HNF1A: variants seen among roughly 807,000 people sequenced by gnomAD.
The protein encoded by HNF1A is hepatocyte nuclear factor 1-alpha.
Under a neutral mutation model 62.2 loss-of-function variants are expected in HNF1A, and 21 were observed. That is an observed-to-expected ratio of 0.34 (90% confidence interval 0.24 to 0.49). The LOEUF (loss-of-function observed/expected upper bound fraction) is 0.49, where lower values mean the gene tolerates loss of function less well. Ranked by LOEUF, HNF1A falls within the 20% of genes least tolerant of loss-of-function variation. HNF1A has a pLI of 0.99. For synonymous variants in HNF1A, 374 were observed against 366.8 expected, an observed-to-expected ratio of 1.02 and a Z score of -0.22; for missense variants, 687 against 832.3, an observed-to-expected ratio of 0.83 and a Z score of 2.15.
rs60072260 is a variant in HNF1A, at chr12:120,982,934, T to C, written c.326+3840T>C. On this transcript the variant is annotated intron_variant, in intron 1 of 9. Coordinates refer to ENST00000257555, the MANE Select transcript of HNF1A (RefSeq NM_000545.8). ...TACAAAATGCGCTAAGCTCATTTTT[T>C]CCTCCTCCCCATCTCTGAAGTCTGA... Among the ~76,000 whole-genome samples the C allele has an allele frequency of 1.0e-3, 159 of 152,316 alleles. 2 individuals carry two copies. In the East Asian group the frequency reaches 0.028, roughly 27 times the overall value.
At chr12:120,993,419 A>G in intron 2 of HNF1A, 101 bp from the exon 3 acceptor site, 2 of 1,171,502 alleles carry the variant, frequency 1.7e-6, no homozygotes, top group Non-Finnish European at 2.5e-6. Context: ...CCTCTGGTTC[A>G]GCGCCATGGC....
At chr12:120,985,983 CA>C (rs201044504) in intron 1 of HNF1A, among the ~76,000 whole-genome samples, 8 of 140,426 alleles carry the variant, frequency 5.7e-5, no homozygotes, top group Non-Finnish European at 4.7e-5. Flanking sequence ...GGCTTTGTCT[CA>C]AAAAAAAAAA....
Position 120,994,246 on chromosome 12 carries a change from A to C in HNF1A, c.796A>C (p.Asn266His). 1 of 1,613,654 alleles carries C rather than the reference A, an allele frequency of 6.2e-7. No individual in the cohort carries two copies. Among genetic ancestry groups the C allele is most frequent in the Non-Finnish European group, 8.5e-7 (1 of 1,179,828 alleles). ...CCTCGTCACGGAGGTGCGTGTCTAC[A>C]ACTGGTTTGCCAACCGGCGCAAAGA... is the stretch of plus-strand genomic sequence containing the variant. The part of the protein sequence containing the change: ...SNLVTEVRVY[N>H]WFANRRKEEA... Residue 266 changes from asparagine to histidine, a missense_variant, in exon 4 of 10, where the codon AAC becomes CAC. Coordinates refer to ENST00000257555, the MANE Select transcript of HNF1A (RefSeq NM_000545.8).
At position 120,978,747 on chromosome 12, in the gene HNF1A, G is replaced by A. The variant is rs765037128; in HGVS notation, c.-22G>A. The A allele has an allele frequency of 1.3e-5, 21 of 1,611,142 alleles. No individual in the cohort carries two copies. The highest frequency in any genetic ancestry group is 1.6e-4 in the Middle Eastern group (1 of 6,076). ...GGCTAGCGTGGTGGACCCGGGCCGC[G>A]TGGCCCTGTGGCAGCCGAGCCATGG... On this transcript the variant is annotated 5_prime_UTR_variant, in exon 1 of 10. In the 5' UTR this introduces an upstream ATG that the reference lacks. Coordinates refer to ENST00000257555, the MANE Select transcript of HNF1A (RefSeq NM_000545.8).
chr12:121,001,413 G>C lies in HNF1A; in HGVS notation c.*221G>C. On this transcript the variant is annotated 3_prime_UTR_variant, in exon 10 of 10. Coordinates refer to ENST00000257555, the MANE Select transcript of HNF1A (RefSeq NM_000545.8). ...GGTGCACAGGAGGGGGTCGTGGAGA[G>C]CTAGGAGCAAAGCCTGTTCATGGCA... 1.7e-6 allele frequency: 1 copy of C among 586,200 alleles called. No homozygotes were observed. Among genetic ancestry groups the C allele is most frequent in the Non-Finnish European group, 3.0e-6 (1 of 329,304 alleles). 36.3% of individuals were successfully genotyped at this position (586,200 alleles called of 1,614,324 possible).
intron 7 of HNF1A, chr12:120,997,963 C>G: frequency 1.6e-6 from 1 of 618,026 alleles, no homozygotes; most frequent in South Asian, 1.9e-5. Context: ...ATATGAATTT[C>G]TAAAATCTAT....
chr12:120,991,288 CT>C (rs1876819912), intron 2 of HNF1A, among the ~76,000 whole-genome samples: 1 of 152,000 alleles, frequency 6.6e-6, no homozygotes, highest in South Asian at 2.1e-4. Flanking sequence ...GTAAAAATCA[CT>C]GTTGAAAAAA....
intron 4 of HNF1A, 29 bp downstream of exon 4, chr12:120,994,434 G>A (rs370617335): frequency 7.0e-6 from 11 of 1,570,284 alleles, no homozygotes; most frequent in East Asian, 2.3e-5. Flanking sequence ...CAAGGGACAC[G>A]TGGGAAGGTG....
rs1428758847 is a variant in HNF1A, at chr12:120,999,353, C to T, written c.1587C>T (p.Asn529=). 1 of 1,613,974 alleles carries T rather than the reference C, an allele frequency of 6.2e-7. No individual in the cohort carries two copies. The highest frequency in any genetic ancestry group is 8.5e-7 in the Non-Finnish European group (1 of 1,180,040). The change falls in exon 8 of 10, where the codon AAC becomes AAT. Residue 529 remains asparagine (N), a synonymous_variant. Transcript: ENST00000257555. ...CTATGCTCATCACCGACACCACCAACCTGAGCGCCCTGGCCAGCCTCACGC... is the reference window on the plus strand; with the variant it reads ...CTATGCTCATCACCGACACCACCAATCTGAGCGCCCTGGCCAGCCTCACGC... The part of the protein sequence containing the change: ...PQTMLITDTT[N]LSALASLTPT...
Position 121,001,673 on chromosome 12 carries a change from C to T in HNF1A, c.*481C>T. ...TCTGTCACCAATGTACCCACCGGGC[C>T]ACTCCTTCCTGCCCCAACTCCTTCC... On this transcript the variant is annotated 3_prime_UTR_variant, in exon 10 of 10. Transcript: ENST00000257555. 2.1e-6 allele frequency: 1 copy of T among 466,376 alleles called. No individual in the cohort carries two copies. The allele number at this position is 466,376 out of a possible 1,614,324, so 28.9% of individuals were successfully genotyped here. A position where few individuals can be genotyped will look rare whatever the true frequency, so the allele number is the denominator to read the frequency against.
At chr12:120,986,344 C>T (rs1470747698) in intron 1 of HNF1A, among the ~76,000 whole-genome samples, 1 of 152,196 alleles carries the variant, frequency 6.6e-6, no homozygotes, top group Non-Finnish European at 1.5e-5. Context: ...TATCCTTTTG[C>T]TGGGCTCCTT....
chr12:120,994,317 C>A lies in HNF1A; in HGVS notation c.867C>A (p.Pro289=), dbSNP rs907312892. The A allele has an allele frequency of 6.2e-7, 1 of 1,610,216 alleles. No homozygotes were observed. Among genetic ancestry groups the A allele is most frequent in the South Asian group, 1.1e-5 (1 of 90,518 alleles). ...HKLAMDTYSG[P]PPGPGPGPAL... ...TGGCCATGGACACGTACAGCGGGCC[C>A]CCCCCAGGGCCAGGCCCGGGACCTG... Residue 289 remains proline (P), a synonymous_variant, in exon 4 of 10, where the codon CCC becomes CCA. Transcript: ENST00000257555.
rs1438131136 is a variant in HNF1A at position 120,997,553 on chromosome 12, G to A, written c.1389G>A (p.Gln463=). Residue 463 remains glutamine (Q), a synonymous_variant, in exon 7 of 10, where the codon CAG becomes CAA. Coordinates refer to ENST00000257555, the MANE Select transcript of HNF1A (RefSeq NM_000545.8). ...GSSLTTLQPV[Q]FSQPLHPSYQ... ...GCCTGACCACCCTGCAGCCCGTCCA[G>A]TTCTCCCAGCCGCTGCACCCCTCCT... 4 of 1,613,540 alleles carry A rather than the reference G, an allele frequency of 2.5e-6. No individual in the cohort carries two copies. Among genetic ancestry groups the A allele is most frequent in the Non-Finnish European group, 3.4e-6 (4 of 1,180,016 alleles).
chr12:120,994,014 A>G (rs1876958039), intron 3 of HNF1A, 150 bp from the exon 4 acceptor site: 2 of 1,039,906 alleles, frequency 1.9e-6, no homozygotes, highest in Non-Finnish European at 2.9e-6. Flanking sequence ...TCAATTGCCC[A>G]AGGTCACACA....
chr12:120,981,893 T>C (rs1381159282), intron 1 of HNF1A, among the ~76,000 whole-genome samples: 1 of 152,160 alleles, frequency 6.6e-6, no homozygotes, highest in Admixed American at 6.5e-5. Flanking sequence ...ACAGCAGGAA[T>C]GAGTGAGTGA....
intron 1 of HNF1A, among the ~76,000 whole-genome samples, chr12:120,982,065 T>TTTGTTG (rs918278408): frequency 6.6e-6 from 1 of 151,798 alleles, no homozygotes; most frequent in African/African-American, 2.4e-5. Context: ...GTGTTTCTTT[T>TTTGTTG]TTGTTGTTGT....
intron 1 of HNF1A, among the ~76,000 whole-genome samples, chr12:120,982,306 G>A (rs1876292723): frequency 6.6e-6 from 1 of 152,090 alleles, no homozygotes. Context: ...CTGACCTCAG[G>A]TGATCCGCCC....
intron 2 of HNF1A, among the ~76,000 whole-genome samples, chr12:120,989,271 T>G (rs1876690436): frequency 6.6e-6 from 1 of 152,026 alleles, no homozygotes; most frequent in African/African-American, 2.4e-5. Context: ...TCTTTTTCTT[T>G]TTTTAGATAG....
chr12:121,000,485 G>T (rs776263204), intron 9 of HNF1A: 3 of 173,936 alleles, frequency 1.7e-5, no homozygotes, highest in Non-Finnish European at 3.7e-5. Flanking sequence ...ATCAGTCAGG[G>T]TTCTCCAGGA....
Sources: allele counts gnomAD v4.1 joint callset (sites outside exome capture counted in the v4.1 genomes callset), GRCh38; gene constraint gnomAD v4.1.1; transcripts MANE v1.5; gene names NCBI Gene and HGNC (gene_info 2026-07-23, HGNC 2026-07-21).